RGPD2: variants seen among roughly 807,000 people sequenced by gnomAD.
RGPD2 encodes the protein RANBP2-like and GRIP domain-containing protein 2.
In RGPD2, 2 loss-of-function variants were observed where a neutral mutation model predicts 36.0. That is an observed-to-expected ratio of 0.06 (90% CI 0.02 to 0.17). The LOEUF is 0.17. RGPD2 is among the 10% of genes least tolerant of loss of function. The pLI, the probability that RGPD2 is intolerant of heterozygous loss-of-function variation, is 1.00. For synonymous variants in RGPD2, 19 were observed against 163.8 expected (o/e 0.12, Z 6.75); for missense variants, 40 against 464.3 (o/e 0.09, Z 8.40).
the RGPD2 span, among the ~76,000 whole-genome samples, chr2:87,948,326 A>G: frequency 2.0e-5 from 3 of 151,578 alleles, no homozygotes; most frequent in African/African-American, 7.3e-5. Flanking sequence ...GTTTTAAAAT[A>G]CTGGCCATCA....
the RGPD2 span, among the ~76,000 whole-genome samples, chr2:87,848,801 C>T: frequency 4.0e-5 from 6 of 148,886 alleles, no homozygotes; most frequent in Non-Finnish European, 8.9e-5. Context: ...TACAAAATGA[C>T]ATCCTGGCCA....
At chr2:87,940,824 A>T in the RGPD2 span, among the ~76,000 whole-genome samples, 2 of 151,454 alleles carry the variant, frequency 1.3e-5, no homozygotes, top group African/African-American at 2.4e-5. Context: ...ATCAATTTAA[A>T]GAAACAATAT....
the RGPD2 span, among the ~76,000 whole-genome samples, chr2:87,875,608 T>A: frequency 6.6e-6 from 1 of 152,224 alleles, no homozygotes; most frequent in African/African-American, 2.4e-5. Flanking sequence ...GGATTTGGTT[T>A]GCCAGCCTTT....
At chr2:87,912,128 C>T in the RGPD2 span, among the ~76,000 whole-genome samples, 1 of 150,040 alleles carries the variant, frequency 6.7e-6, no homozygotes, top group Non-Finnish European at 1.5e-5. Flanking sequence ...TTGTATTTCC[C>T]TTTTATTATA....
chr2:87,966,441 ACT>A, the RGPD2 span, among the ~76,000 whole-genome samples: 1 of 145,234 alleles, frequency 6.9e-6, no homozygotes, highest in Non-Finnish European at 1.5e-5. Context: ...GATTGTTAAA[ACT>A]CTGCCAGGTT....
At chr2:87,939,489 A>G in the RGPD2 span, among the ~76,000 whole-genome samples, 1 of 152,080 alleles carries the variant, frequency 6.6e-6, no homozygotes, top group Middle Eastern at 3.4e-3. Flanking sequence ...CCCTAGCACC[A>G]TCTGGTCACA....
the RGPD2 span, among the ~76,000 whole-genome samples, chr2:87,857,837 A>G: frequency 6.6e-6 from 1 of 151,236 alleles, no homozygotes; most frequent in Admixed American, 6.6e-5. Flanking sequence ...CTGGTTGCAT[A>G]TGTACATTCA....
At chr2:87,915,613 T>TACAC in the RGPD2 span, among the ~76,000 whole-genome samples, 6 of 146,882 alleles carry the variant, frequency 4.1e-5, no homozygotes, top group African/African-American at 1.5e-4. Context: ...TGTGTATATA[T>TACAC]ATACACATAT....
the RGPD2 span, among the ~76,000 whole-genome samples, chr2:87,984,400 C>G: frequency 2.6e-5 from 4 of 151,612 alleles, no homozygotes; most frequent in Admixed American, 2.6e-4. Flanking sequence ...ACAACAGATT[C>G]ACAAGGTACA....
chr2:87,769,814 CTAGAAG>C (rs1315192766), intron 22 of RGPD2, among the ~76,000 whole-genome samples: 13 of 151,262 alleles, frequency 8.6e-5, no homozygotes, highest in African/African-American at 2.7e-4. Context: ...TCTTAGGTGA[CTAGAAG>C]TAGATTTCTT....
chr2:87,976,350 T>A, the RGPD2 span, among the ~76,000 whole-genome samples: 1 of 152,126 alleles, frequency 6.6e-6, no homozygotes, highest in Non-Finnish European at 1.5e-5. Flanking sequence ...ATTTCACAAA[T>A]GAAAAAAATC....
At chr2:87,824,712 G>GCCGCCGCCGCCGCCGCCCGGCC (rs1558738064) in intron 1 of RGPD2, among the ~76,000 whole-genome samples, 1 of 120,762 alleles carries the variant, frequency 8.3e-6, no homozygotes, top group Non-Finnish European at 1.9e-5. Flanking sequence ...GGCCGAGGCC[G>GCCGCCGCCGCCGCCGCCCGGCC]AGGCCGCCGC....
intron 1 of RGPD2, among the ~76,000 whole-genome samples, chr2:87,824,714 G>GGCCGCCGCCGAC (rs1553430228): frequency 1.3e-5 from 1 of 78,520 alleles, no homozygotes; most frequent in Non-Finnish European, 2.4e-5. Flanking sequence ...CCGAGGCCGA[G>GGCCGCCGCCGAC]GCCGCCGCCG....
At chr2:87,988,907 G>A in the RGPD2 span, among the ~76,000 whole-genome samples, 1 of 151,950 alleles carries the variant, frequency 6.6e-6, no homozygotes, top group Admixed American at 6.6e-5. Context: ...AACAGAACTA[G>A]CACATCCTTC....
At chr2:87,852,574 C>T in the RGPD2 span, among the ~76,000 whole-genome samples, 2 of 152,228 alleles carry the variant, frequency 1.3e-5, no homozygotes. Flanking sequence ...CAGTGGCTTG[C>T]AAAGCCTTTT....
the RGPD2 span, among the ~76,000 whole-genome samples, chr2:87,843,648 G>C: frequency 6.6e-6 from 1 of 151,184 alleles, no homozygotes; most frequent in Non-Finnish European, 1.5e-5. Context: ...GTGGAAGTCA[G>C]TGTGGCAATT....
At chr2:87,912,400 C>T in the RGPD2 span, among the ~76,000 whole-genome samples, 6 of 146,554 alleles carry the variant, frequency 4.1e-5, no homozygotes, top group African/African-American at 1.5e-4. Flanking sequence ...TAATCTCTTA[C>T]TCTTAGCAGG....
At chr2:87,930,832 G>GTT in the RGPD2 span, among the ~76,000 whole-genome samples, 94 of 137,026 alleles carry the variant, frequency 6.9e-4, no homozygotes, top group Middle Eastern at 3.7e-3. Context: ...ATTTCTTCCA[G>GTT]TTTTTTTTTT....
At chr2:87,861,129 TA>T in the RGPD2 span, among the ~76,000 whole-genome samples, 1 of 151,248 alleles carries the variant, frequency 6.6e-6, no homozygotes, top group African/African-American at 2.4e-5. Context: ...TCCATTTGTG[TA>T]AGTGTTTTTT....
Sources: gnomAD v4.1 joint callset for allele counts (sites outside exome capture counted in the v4.1 genomes callset) on GRCh38, gnomAD v4.1.1 for gene constraint, MANE v1.5 for transcripts, NCBI Gene and HGNC (gene_info 2026-07-23, HGNC 2026-07-21) for gene names.